SLC26A7: variants seen among roughly 807,000 people sequenced by gnomAD.
The protein encoded by SLC26A7 is anion exchange transporter.
A neutral mutation model predicts 82.5 loss-of-function variants in SLC26A7; 59 were observed. The observed-to-expected ratio is 0.72, with a 90% confidence interval of 0.58 to 0.89. The LOEUF (loss-of-function observed/expected upper bound fraction) is 0.89. SLC26A7 is among the 40% of genes least tolerant of loss of function. The pLI, the probability that SLC26A7 is intolerant of heterozygous loss-of-function variation, is 0.00. For missense variants in SLC26A7, 820 were observed against 793.0 expected (o/e 1.03, Z -0.41); for synonymous variants, 271 against 274.3 (o/e 0.99, Z 0.12).
At chr8:91,243,039 G>A (rs10105880) in intron 2 of SLC26A7, among the ~76,000 whole-genome samples, 5,570 of 152,126 alleles carry the variant, frequency 0.037, 112 homozygotes, top group Middle Eastern at 0.048. Flanking sequence ...CTTAAACAGC[G>A]GTGGATTTGC....
chr8:91,277,278 G>A (rs530960433), intron 2 of SLC26A7, among the ~76,000 whole-genome samples: 8 of 152,200 alleles, frequency 5.3e-5, no homozygotes, highest in African/African-American at 1.7e-4. Context: ...CATCTCTCTC[G>A]AGTGGAGGCT....
intron 2 of SLC26A7, among the ~76,000 whole-genome samples, chr8:91,240,549 C>T (rs1810459861): frequency 6.6e-6 from 1 of 152,120 alleles, no homozygotes; most frequent in Non-Finnish European, 1.5e-5. Context: ...TATAATTATT[C>T]ACTGTCCCTT....
At chr8:91,271,176 C>T (rs903471988) in intron 2 of SLC26A7, among the ~76,000 whole-genome samples, 1 of 152,214 alleles carries the variant, frequency 6.6e-6, no homozygotes, top group African/African-American at 2.4e-5. Flanking sequence ...TTCCATTTCA[C>T]ATTTCCTCCC....
In SLC26A7 at chr8:91,396,323, C is replaced by T. The variant is rs909040872; in HGVS notation, c.*1226C>T. The T allele has an allele frequency of 1.3e-5, 2 of 151,986 alleles. No individual in the cohort carries two copies. The highest frequency in any genetic ancestry group is 6.6e-5 in the Admixed American group (1 of 15,254). The allele number at this position is 151,986 out of a possible 1,614,324, so 9.4% of individuals were successfully genotyped here. On this transcript the variant is annotated 3_prime_UTR_variant, in exon 19 of 19. Transcript: ENST00000276609. ...GCTTAAGCTTTTAACAGCATTTTAA[C>T]CGCTCTAAAAATTACCAGAGTAAGA... is the stretch of plus-strand genomic sequence containing the variant.
intron 5 of SLC26A7, among the ~76,000 whole-genome samples, chr8:91,330,998 C>G (rs767888905): frequency 1.3e-5 from 2 of 152,138 alleles, no homozygotes; most frequent in Non-Finnish European, 2.9e-5. Flanking sequence ...TAAAGCCTCT[C>G]TCCTTGGCTT....
intron 14 of SLC26A7, among the ~76,000 whole-genome samples, chr8:91,369,366 G>A (rs1814288882): frequency 4.4e-5 from 1 of 22,750 alleles, no homozygotes; most frequent in Non-Finnish European, 1.1e-4. Context: ...AGGATACAGA[G>A]CTGTTTTTTT....
intron 2 of SLC26A7, among the ~76,000 whole-genome samples, chr8:91,255,702 G>A (rs1188367336): frequency 1.3e-5 from 2 of 151,878 alleles, no homozygotes; most frequent in Non-Finnish European, 2.9e-5. Flanking sequence ...GCTTCATTCG[G>A]TACTTTTGAC....
chr8:91,353,754 TG>T (rs1309684790), intron 11 of SLC26A7, among the ~76,000 whole-genome samples: 1 of 152,110 alleles, frequency 6.6e-6, no homozygotes, highest in Non-Finnish European at 1.5e-5. Flanking sequence ...TTATTTATGC[TG>T]GTGCCTACTT....
At chr8:91,349,611 G>A (rs948417432) in intron 9 of SLC26A7, among the ~76,000 whole-genome samples, 10 of 152,002 alleles carry the variant, frequency 6.6e-5, no homozygotes, top group Non-Finnish European at 1.2e-4. Flanking sequence ...TATTACCTTC[G>A]TGCTTTCTAA....
chr8:91,378,209 A>G (rs1182937705), intron 15 of SLC26A7, among the ~76,000 whole-genome samples: 3 of 151,876 alleles, frequency 2.0e-5, no homozygotes, highest in Non-Finnish European at 4.4e-5. Context: ...GAGAGCAGGA[A>G]AAATGAAGGC....
intron 5 of SLC26A7, among the ~76,000 whole-genome samples, chr8:91,321,596 AG>A (rs1383099120): frequency 1.3e-5 from 2 of 152,202 alleles, no homozygotes; most frequent in Admixed American, 1.3e-4. Context: ...TATATCCCTA[AG>A]AAGAGTGGGT....
intron 2 of SLC26A7, among the ~76,000 whole-genome samples, chr8:91,252,882 C>G (rs549477214): frequency 6.6e-6 from 1 of 152,032 alleles, no homozygotes; most frequent in Non-Finnish European, 1.5e-5. Flanking sequence ...TATATGCTGG[C>G]AGGTATTAAT....
At chr8:91,358,944 G>A (rs570719047) in intron 11 of SLC26A7, among the ~76,000 whole-genome samples, 10 of 152,198 alleles carry the variant, frequency 6.6e-5, no homozygotes, top group African/African-American at 1.4e-4. Flanking sequence ...TTGGGGGGAC[G>A]GGGGAGGGAT....
intron 2 of SLC26A7, among the ~76,000 whole-genome samples, chr8:91,252,958 T>C (rs796783907): frequency 3.3e-5 from 5 of 151,958 alleles, no homozygotes; most frequent in African/African-American, 1.2e-4. Context: ...CCTTGGTTCC[T>C]GAGTGACCTT....
chr8:91,313,512 G>A lies in SLC26A7; in HGVS notation c.478-4704G>A, dbSNP rs191754159. 1.2e-4 allele frequency among the ~76,000 whole-genome samples: 18 copies of A among 152,062 alleles called. No individual in the cohort carries two copies. The East Asian group carries it at 2.9e-3, about 24-fold the overall frequency. On this transcript the variant is annotated intron_variant, in intron 4 of 18. Transcript: ENST00000276609. ...CTAAATTGTTTTCCTAATGTTATTA[G>A]CAATTTAACTCTTTCCCCCAAACCT... is the stretch of plus-strand genomic sequence containing the variant.
chr8:91,352,455 A>C (rs955105866), intron 10 of SLC26A7, among the ~76,000 whole-genome samples: 3 of 152,144 alleles, frequency 2.0e-5, no homozygotes, highest in African/African-American at 7.2e-5. Flanking sequence ...ATCTTCCAAT[A>C]ATCAAGTTCG....
At chr8:91,314,983 T>C (rs1033183762) in intron 4 of SLC26A7, among the ~76,000 whole-genome samples, 3 of 152,154 alleles carry the variant, frequency 2.0e-5, no homozygotes, top group Non-Finnish European at 4.4e-5. Context: ...TACTAGAAGA[T>C]GGTGGTTTAG....
intron 15 of SLC26A7, among the ~76,000 whole-genome samples, chr8:91,379,251 T>C (rs1290962424): frequency 1.3e-5 from 2 of 152,222 alleles, no homozygotes; most frequent in Non-Finnish European, 1.5e-5. Flanking sequence ...CTAAAACTGA[T>C]TTATAGATTT....
intron 5 of SLC26A7, among the ~76,000 whole-genome samples, chr8:91,331,827 T>G (rs1423832475): frequency 1.3e-5 from 2 of 152,064 alleles, no homozygotes; most frequent in African/African-American, 4.8e-5. Flanking sequence ...AAATTATTAT[T>G]TAAGCATCAC....
Sources: gnomAD v4.1 joint callset for allele counts (sites outside exome capture counted in the v4.1 genomes callset) on GRCh38, gnomAD v4.1.1 for gene constraint, MANE v1.5 for transcripts, NCBI Gene and HGNC (gene_info 2026-07-23, HGNC 2026-07-21) for gene names.